The following THSD7A variants were observed in gnomAD, a reference collection of about 807,000 sequenced individuals.
The protein encoded by THSD7A is thrombospondin type-1 domain-containing protein 7A.
In THSD7A, 96 loss-of-function variants were observed where a neutral mutation model predicts 231.3. The ratio of observed to expected loss-of-function variants is 0.41; its 90% confidence interval spans 0.35 to 0.49. The LOEUF (loss-of-function observed/expected upper bound fraction) is 0.49, where lower values mean the gene tolerates loss of function less well. Ranked by LOEUF, THSD7A falls within the 20% of genes least tolerant of loss-of-function variation. The pLI is 0.05. For synonymous variants in THSD7A, 940 were observed against 743.3 expected, an observed-to-expected ratio of 1.26 and a Z score of -4.30; for missense variants, 2,290 against 2,070.2, an observed-to-expected ratio of 1.11 and a Z score of -2.06.
chr7:11,590,528 C>T lies in THSD7A; in HGVS notation c.1385G>A (p.Arg462Gln), dbSNP rs779142301. 5.6e-6 allele frequency: 9 copies of T among 1,613,802 alleles called. No homozygotes were observed. The highest frequency in any genetic ancestry group is 2.2e-5 in the South Asian group (2 of 91,076). Residue 462 changes from arginine to glutamine, a missense_variant, in exon 4 of 28, where the codon CGA becomes CAA. Arg to Gln is a conservative substitution (Grantham distance 43, BLOSUM62 1). Transcript: ENST00000423059. This position sits in a 1 kb window ranked among gnomAD's most constrained non-coding sequence, Gnocchi z 4.4. ...GTTGGCCTGCACGCAGTACACCTCTCGGGTCTGGATGCCCCCTCCACAGAG... is the reference window on the plus strand; with the variant it reads ...GTTGGCCTGCACGCAGTACACCTCTTGGGTCTGGATGCCCCCTCCACAGAG... ...TALCGGGIQTREVYCVQANEN... is the reference protein window; with the variant it reads ...TALCGGGIQTQEVYCVQANEN...
At chr7:11,518,690 C>A (rs1788140026) in intron 6 of THSD7A, among the ~76,000 whole-genome samples, 1 of 152,068 alleles carries the variant, frequency 6.6e-6, no homozygotes, top group Non-Finnish European at 1.5e-5. Flanking sequence ...ATTTGCTATG[C>A]ATGTGCTATG....
chr7:11,407,489 G>T, intron 19 of THSD7A, 66 bp from the exon 20 acceptor site: 1 of 1,207,004 alleles, frequency 8.3e-7, no homozygotes, highest in Non-Finnish European at 1.2e-6. Flanking sequence ...AGAATGAGGT[G>T]ACAAGAAAGA....
chr7:11,501,736 G>C (rs1218416354), intron 6 of THSD7A, among the ~76,000 whole-genome samples: 1 of 152,116 alleles, frequency 6.6e-6, no homozygotes, highest in African/African-American at 2.4e-5. Flanking sequence ...AGAAGCAATA[G>C]CAAATAAACC....
At chr7:11,429,983 C>T (rs1784430368) in intron 13 of THSD7A, among the ~76,000 whole-genome samples, 1 of 152,180 alleles carries the variant, frequency 6.6e-6, no homozygotes, top group African/African-American at 2.4e-5. Context: ...ATCAATTAAA[C>T]ACTATTATTC....
intron 13 of THSD7A, among the ~76,000 whole-genome samples, chr7:11,436,240 A>C (rs1784628085): frequency 6.6e-6 from 1 of 152,134 alleles, no homozygotes; most frequent in Admixed American, 6.6e-5. Context: ...GAAGTAATGG[A>C]AGATGTATTA....
chr7:11,556,737 G>C (rs1458719823), intron 4 of THSD7A, among the ~76,000 whole-genome samples: 1 of 151,852 alleles, frequency 6.6e-6, no homozygotes, highest in Admixed American at 6.6e-5. Flanking sequence ...TTTTCTCTGA[G>C]TATTGAATTG....
chr7:11,464,838 C>G (rs39189), intron 9 of THSD7A, among the ~76,000 whole-genome samples: 152,200 of 152,304 alleles, frequency 1, 76,048 homozygotes, highest in Middle Eastern at 1. Context: ...TACCCATTGG[C>G]AGGTCTGTTT....
intron 1 of THSD7A, among the ~76,000 whole-genome samples, chr7:11,713,948 ATATAT>A (rs963821663): frequency 6.6e-6 from 1 of 151,344 alleles, no homozygotes; most frequent in Non-Finnish European, 1.5e-5. Flanking sequence ...ATAACAGCAA[ATATAT>A]TAGAATAGAA....
intron 1 of THSD7A, among the ~76,000 whole-genome samples, chr7:11,826,941 ATAAGT>A (rs1785050397): frequency 6.6e-6 from 1 of 152,164 alleles, no homozygotes; most frequent in Non-Finnish European, 1.5e-5. Flanking sequence ...TCACACAAAG[ATAAGT>A]TAACTTTGAA....
At chr7:11,515,079 A>G (rs564767278) in intron 6 of THSD7A, among the ~76,000 whole-genome samples, 26 of 152,302 alleles carry the variant, frequency 1.7e-4, no homozygotes, top group Non-Finnish European at 2.9e-4. Context: ...TTAGAAATAA[A>G]TTTTACATGT....
intron 4 of THSD7A, among the ~76,000 whole-genome samples, chr7:11,583,297 G>T (rs1267754008): frequency 2.0e-5 from 3 of 151,854 alleles, no homozygotes; most frequent in African/African-American, 7.3e-5. Flanking sequence ...TTTGTTTTGA[G>T]ACAGGGTCTT....
rs928292655 is a variant in THSD7A, at chr7:11,637,888, A to G, written c.191-927T>C. 2.6e-5 allele frequency among the ~76,000 whole-genome samples: 4 copies of G among 152,176 alleles called. No individual in the cohort carries two copies. Among genetic ancestry groups the G allele is most frequent in the African/African-American group, 4.8e-5 (2 of 41,436 alleles). On this transcript the variant is annotated intron_variant, in intron 1 of 27. Coordinates refer to ENST00000423059, the MANE Select transcript of THSD7A (RefSeq NM_015204.3). The surrounding 1 kb of genome is among the most constrained non-coding windows in gnomAD (Gnocchi z 4.2). ...TCAGTACTTTAATAGACAGATCCCA[A>G]TTTACGAAATTGAGAATTGTATTAT...
chr7:11,724,125 G>C (rs1393602862), intron 1 of THSD7A, among the ~76,000 whole-genome samples: 1 of 151,958 alleles, frequency 6.6e-6, no homozygotes, highest in African/African-American at 2.4e-5. Context: ...TATGTTAAAA[G>C]AATATATGTG....
chr7:11,441,217 A>G (rs73284709), intron 13 of THSD7A, among the ~76,000 whole-genome samples: 25,731 of 151,940 alleles, frequency 0.17, 2,919 homozygotes, highest in African/African-American at 0.32. Flanking sequence ...CTTGAATGGG[A>G]GATAAAGAAT....
At chr7:11,790,521 G>A (rs1456957725) in intron 1 of THSD7A, among the ~76,000 whole-genome samples, 2 of 151,920 alleles carry the variant, frequency 1.3e-5, no homozygotes. Context: ...TTCTTAATGA[G>A]AGATAAAAGT....
At chr7:11,572,526 G>A (rs924714797) in intron 4 of THSD7A, among the ~76,000 whole-genome samples, 6 of 151,732 alleles carry the variant, frequency 4.0e-5, no homozygotes, top group Non-Finnish European at 5.9e-5. Context: ...TTTCTTTTTG[G>A]GGGGACAGGG....
At chr7:11,671,305 A>G (rs1048950485) in intron 1 of THSD7A, among the ~76,000 whole-genome samples, 4 of 152,096 alleles carry the variant, frequency 2.6e-5, no homozygotes, top group African/African-American at 9.7e-5. Context: ...AACATTACCA[A>G]CTCCTGGGAT....
chr7:11,620,071 GTGA>G (rs376092775), intron 2 of THSD7A, among the ~76,000 whole-genome samples: 2 of 152,118 alleles, frequency 1.3e-5, no homozygotes, highest in African/African-American at 4.8e-5. Context: ...GATCAATAAT[GTGA>G]TGAACTGTCT....
In THSD7A at chr7:11,639,140, TAA is replaced by T. The variant is rs1017959067; in HGVS notation, c.191-2181_191-2180del. Among the ~76,000 whole-genome samples the T allele has an allele frequency of 7.7e-4, 117 of 152,318 alleles. 1 individual carries two copies. Among genetic ancestry groups the T allele is most frequent in the African/African-American group, 2.7e-3 (113 of 41,576 alleles). On this transcript the variant is annotated intron_variant, in intron 1 of 27. Coordinates refer to ENST00000423059, the MANE Select transcript of THSD7A (RefSeq NM_015204.3). ...GCCATTAAGTCTGAATTTGAAAATA[TAA>T]GTGTCTTATACTAAATCAGACTCTA...
Sources: gnomAD v4.1 joint callset for allele counts (sites outside exome capture counted in the v4.1 genomes callset) on GRCh38, gnomAD v4.1.1 for gene constraint, Gnocchi (gnomAD v3.1) non-coding constraint, MANE v1.5 for transcripts, NCBI Gene and HGNC (gene_info 2026-07-23, HGNC 2026-07-21) for gene names.